Variants in PARD3B observed in about 807,000 individuals in gnomAD.
PARD3B encodes par-3 family cell polarity regulator beta.
PARD3B carries 103 observed loss-of-function variants against 130.2 expected under a neutral mutation model. The ratio of observed to expected loss-of-function variants is 0.79; its 90% confidence interval spans 0.67 to 0.93. The LOEUF is 0.93. PARD3B is among the 40% of genes least tolerant of loss of function. The probability of loss-of-function intolerance (pLI) is 0.00; values close to 1 mark genes in which losing one functional copy is unlikely to be tolerated. For missense variants in PARD3B, 1,609 were observed against 1,499.2 expected (o/e 1.07, Z -1.21); for synonymous variants, 583 against 553.2 (o/e 1.05, Z -0.76).
At chr2:205,510,212 TTACATG>T (rs2050538365) in intron 21 of PARD3B, among the ~76,000 whole-genome samples, 1 of 152,198 alleles carries the variant, frequency 6.6e-6, no homozygotes, top group African/African-American at 2.4e-5. Context: ...ACACACATGA[TTACATG>T]TAAAGTACTT....
intron 2 of PARD3B, among the ~76,000 whole-genome samples, chr2:204,703,565 T>G (rs922339095): frequency 6.6e-6 from 1 of 152,212 alleles, no homozygotes; most frequent in Admixed American, 6.5e-5. Flanking sequence ...TAAAATGATT[T>G]GAATTTCAGG....
At chr2:204,849,625 C>T (rs1321187621) in intron 2 of PARD3B, among the ~76,000 whole-genome samples, 1 of 152,184 alleles carries the variant, frequency 6.6e-6, no homozygotes, top group African/African-American at 2.4e-5. Context: ...CATTTTCATA[C>T]ATTAGGCCTT....
At chr2:204,598,244 A>G (rs2033375641) in intron 1 of PARD3B, among the ~76,000 whole-genome samples, 4 of 152,176 alleles carry the variant, frequency 2.6e-5, no homozygotes, top group Admixed American at 1.3e-4. Context: ...TAAAAAAAGC[A>G]AACTTTATTC....
In PARD3B at chr2:204,898,218, A is replaced by G. The variant is rs192995727; in HGVS notation, c.223-66934A>G. On this transcript the variant is annotated intron_variant, in intron 2 of 22. Transcript: ENST00000406610. ...TTTTTGTGGTTACATAGGTATATAT[A>G]TTTATGGGGTACATGTTATATTTTG... Among the ~76,000 whole-genome samples, 491 of 151,908 alleles carry G rather than the reference A, an allele frequency of 3.2e-3. 13 individuals are homozygous for G. Among genetic ancestry groups the G allele is most frequent in the Admixed American group, 0.031 (467 of 15,246 alleles).
At chr2:205,559,044 A>G (rs1177429566) in intron 22 of PARD3B, among the ~76,000 whole-genome samples, 1 of 152,182 alleles carries the variant, frequency 6.6e-6, no homozygotes, top group Non-Finnish European at 1.5e-5. Context: ...GTCTTAATAC[A>G]TTGCTATACA....
intron 22 of PARD3B, among the ~76,000 whole-genome samples, chr2:205,609,346 A>T (rs1285174063): frequency 6.6e-6 from 1 of 152,148 alleles, no homozygotes; most frequent in Admixed American, 6.5e-5. Context: ...GAAAGCACCG[A>T]CCCCAGCTCA....
chr2:204,888,758 A>C (rs1236525072), intron 2 of PARD3B, among the ~76,000 whole-genome samples: 6 of 150,188 alleles, frequency 4.0e-5, no homozygotes, highest in African/African-American at 1.5e-4. Context: ...AAATGTATGG[A>C]GGGACCAAGA....
intron 20 of PARD3B, among the ~76,000 whole-genome samples, chr2:205,483,821 G>A (rs1011085123): frequency 1.3e-5 from 2 of 152,096 alleles, no homozygotes; most frequent in East Asian, 1.9e-4. Flanking sequence ...ATGTAGAATT[G>A]GAAGGGGGGA....
chr2:205,601,059 G>A (rs2054766098), intron 22 of PARD3B, among the ~76,000 whole-genome samples: 1 of 152,090 alleles, frequency 6.6e-6, no homozygotes, highest in East Asian at 1.9e-4. Flanking sequence ...TTCTGGTTGT[G>A]GGTCTTTGAG....
chr2:205,094,513 ATT>A, intron 4 of PARD3B, among the ~76,000 whole-genome samples: 1 of 150,970 alleles, frequency 6.6e-6, no homozygotes, highest in African/African-American at 2.4e-5. Context: ...AAATTTTGAG[ATT>A]TTTTTTTTCT....
intron 1 of PARD3B, among the ~76,000 whole-genome samples, chr2:204,679,743 A>G (rs2036732775): frequency 6.6e-6 from 1 of 151,870 alleles, no homozygotes; most frequent in Non-Finnish European, 1.5e-5. Flanking sequence ...AGATACTTCT[A>G]TACTGTGATT....
chr2:205,443,619 G>T (rs537784800), intron 20 of PARD3B, among the ~76,000 whole-genome samples: 8 of 152,210 alleles, frequency 5.3e-5, no homozygotes, highest in Non-Finnish European at 1.2e-4. Context: ...AGGAGCAATT[G>T]CAGTGGAAGA....
intron 2 of PARD3B, among the ~76,000 whole-genome samples, chr2:204,864,765 G>A (rs2045344276): frequency 1.3e-5 from 2 of 152,092 alleles, no homozygotes. Flanking sequence ...CCTATACCTG[G>A]TGCTTAGAGG....
intron 1 of PARD3B, among the ~76,000 whole-genome samples, chr2:204,549,931 AAAAAC>A (rs1361790125): frequency 2.0e-5 from 3 of 152,150 alleles, no homozygotes; most frequent in Non-Finnish European, 4.4e-5. Flanking sequence ...CTCATTAAAA[AAAAAC>A]AAACAAATAA....
intron 3 of PARD3B, among the ~76,000 whole-genome samples, chr2:205,014,671 A>G (rs533155191): frequency 6.6e-6 from 1 of 152,324 alleles, no homozygotes; most frequent in South Asian, 2.1e-4. Flanking sequence ...GCACTGTGCT[A>G]GAGAGTATAG....
Position 204,841,861 on chromosome 2 carries a change from G to T in PARD3B, c.223-123291G>T, listed in dbSNP as rs116726989. On this transcript the variant is annotated intron_variant, in intron 2 of 22. Transcript: ENST00000406610. ...TTTTTTGCAGAAGTTTTTTGGTGGG[G>T]TTTTTTTTTGGTGTCAACACAACTT... is the stretch of plus-strand genomic sequence containing the variant. Among the ~76,000 whole-genome samples, 1,083 of 150,554 alleles carry T rather than the reference G, an allele frequency of 7.2e-3. 11 individuals carry two copies. The highest frequency in any genetic ancestry group is 0.025 in the African/African-American group (1,015 of 41,068).
At chr2:205,035,758 T>C (rs1224142545) in intron 3 of PARD3B, among the ~76,000 whole-genome samples, 2 of 142,798 alleles carry the variant, frequency 1.4e-5, no homozygotes, top group Non-Finnish European at 3.0e-5. Flanking sequence ...TGTATATAAA[T>C]AATCCACTAT....
chr2:205,307,041 G>A (rs2042211615), intron 18 of PARD3B, among the ~76,000 whole-genome samples: 1 of 152,212 alleles, frequency 6.6e-6, no homozygotes, highest in African/African-American at 2.4e-5. Flanking sequence ...GTTATACCAT[G>A]TAGAATGGCA....
Position 204,943,445 on chromosome 2 carries a change from T to A in PARD3B, c.223-21707T>A, listed in dbSNP as rs1243464586. ...GTTCTTACTGGTCCCCAGGTTAACC[T>A]AGGGAGTTGATACAGTGCCCTTTCC... On this transcript the variant is annotated intron_variant, in intron 2 of 22. Coordinates refer to ENST00000406610, the MANE Select transcript of PARD3B (RefSeq NM_001302769.2). The surrounding 1 kb of genome is among the most constrained non-coding windows in gnomAD (Gnocchi z 4.2). 4.0e-5 allele frequency among the ~76,000 whole-genome samples: 6 copies of A among 151,836 alleles called. No homozygotes were observed. Among genetic ancestry groups the A allele is most frequent in the Admixed American group, 6.6e-5 (1 of 15,250 alleles).
Sources: gnomAD v4.1 joint callset for allele counts (sites outside exome capture counted in the v4.1 genomes callset) on GRCh38, gnomAD v4.1.1 for gene constraint, Gnocchi (gnomAD v3.1) non-coding constraint, MANE v1.5 for transcripts, NCBI Gene and HGNC (gene_info 2026-07-23, HGNC 2026-07-21) for gene names.